Variants in KLF12 observed in about 807,000 individuals in gnomAD.
KLF12 encodes the protein KLF transcription factor 12.
In KLF12, 9 loss-of-function variants were observed where a neutral mutation model predicts 37.8. That is an observed-to-expected ratio of 0.24 (90% CI 0.14 to 0.42). The LOEUF is 0.42. KLF12 is among the 10% of genes least tolerant of loss of function. The pLI is 1.00. For synonymous variants in KLF12, 208 were observed against 202.1 expected, an observed-to-expected ratio of 1.03 and a Z score of -0.25; for missense variants, 411 against 516.0, an observed-to-expected ratio of 0.80 and a Z score of 1.97.
the KLF12 span, among the ~76,000 whole-genome samples, chr13:74,229,468 T>G: frequency 6.6e-6 from 1 of 152,162 alleles, no homozygotes; most frequent in South Asian, 2.1e-4. Flanking sequence ...GCTCAGCTGC[T>G]TGTAAAAAGT....
At chr13:73,727,558 T>C (rs1594014537) in intron 6 of KLF12, among the ~76,000 whole-genome samples, 2 of 152,230 alleles carry the variant, frequency 1.3e-5, no homozygotes, top group South Asian at 2.1e-4. Flanking sequence ...GATTTGTCTA[T>C]GTATAATTAT....
the KLF12 span, among the ~76,000 whole-genome samples, chr13:74,256,129 T>A: frequency 6.9e-6 from 1 of 144,714 alleles, no homozygotes. Context: ...CACTCCAGCC[T>A]GGGTGACAGA....
At chr13:73,990,836 G>C (rs374179082) in intron 2 of KLF12, among the ~76,000 whole-genome samples, 51 of 151,990 alleles carry the variant, frequency 3.4e-4, no homozygotes, top group African/African-American at 1.1e-3. Flanking sequence ...CTTTGTAAGA[G>C]ATGCAAGGTA....
chr13:73,838,050 A>C (rs1243586235), intron 4 of KLF12, among the ~76,000 whole-genome samples: 2 of 152,176 alleles, frequency 1.3e-5, no homozygotes, highest in East Asian at 3.9e-4. Context: ...AGACACCAAC[A>C]AGTGAGAACG....
At chr13:73,970,911 A>T (rs1891316463) in intron 2 of KLF12, among the ~76,000 whole-genome samples, 1 of 152,210 alleles carries the variant, frequency 6.6e-6, no homozygotes, top group Non-Finnish European at 1.5e-5. Flanking sequence ...TCAAAGCAGC[A>T]GAAGGGTGGG....
chr13:74,245,942 G>A, the KLF12 span, among the ~76,000 whole-genome samples: 2 of 152,200 alleles, frequency 1.3e-5, no homozygotes, highest in African/African-American at 4.8e-5. Flanking sequence ...GCAAAGCTGA[G>A]TTTCAGTAAC....
chr13:73,899,427 C>T (rs1031049700), intron 3 of KLF12, among the ~76,000 whole-genome samples: 1 of 152,172 alleles, frequency 6.6e-6, no homozygotes, highest in Non-Finnish European at 1.5e-5. Context: ...AAACAGAAAG[C>T]TGAATCTGAA....
At position 73,996,989 on chromosome 13, in the gene KLF12, G is replaced by C. The variant is rs144469415; in HGVS notation, c.-31-1936C>G. Among the ~76,000 whole-genome samples the C allele has an allele frequency of 1.2e-3, 189 of 152,248 alleles. 1 individual carries two copies. The highest frequency in any genetic ancestry group is 4.2e-3 in the African/African-American group (176 of 41,556). On this transcript the variant is annotated intron_variant, in intron 1 of 7. Transcript: ENST00000377669. ...CCCTGTCTTAGTCCCAAATCTTATG[G>C]CATGGCTCTTCGTGGTTTGTCATAC...
intron 4 of KLF12, among the ~76,000 whole-genome samples, chr13:73,841,176 G>T (rs1222676145): frequency 6.6e-6 from 1 of 152,066 alleles, no homozygotes; most frequent in Non-Finnish European, 1.5e-5. Context: ...AAATGTGGTT[G>T]GTATAAGGTA....
At chr13:74,302,938 AAC>A in the KLF12 span, among the ~76,000 whole-genome samples, 2 of 152,148 alleles carry the variant, frequency 1.3e-5, no homozygotes, top group African/African-American at 4.8e-5. Context: ...TGCCTGAATT[AAC>A]AGTCTTCCTC....
At chr13:74,066,755 A>T (rs1873939719) in intron 1 of KLF12, among the ~76,000 whole-genome samples, 1 of 152,232 alleles carries the variant, frequency 6.6e-6, no homozygotes, top group African/African-American at 2.4e-5. Context: ...ACATTTAAAT[A>T]TCAAAGATAG....
At chr13:73,762,366 G>A (rs1359972614) in intron 6 of KLF12, among the ~76,000 whole-genome samples, 3 of 152,196 alleles carry the variant, frequency 2.0e-5, no homozygotes, top group African/African-American at 4.8e-5. Flanking sequence ...AAAGAAAAAT[G>A]CTAGTTAAAA....
At chr13:73,992,630 T>A (rs918808483) in intron 2 of KLF12, among the ~76,000 whole-genome samples, 8 of 152,138 alleles carry the variant, frequency 5.3e-5, no homozygotes, top group Admixed American at 5.2e-4. Context: ...CTTGGCAGGA[T>A]TTTGTCACCA....
chr13:73,724,646 C>A (rs1437312062), intron 6 of KLF12, among the ~76,000 whole-genome samples: 2 of 152,126 alleles, frequency 1.3e-5, no homozygotes, highest in African/African-American at 2.4e-5. Context: ...TTTCCTTACT[C>A]TTTGAATACT....
At chr13:74,103,391 G>A (rs965462923) in intron 1 of KLF12, among the ~76,000 whole-genome samples, 1 of 152,168 alleles carries the variant, frequency 6.6e-6, no homozygotes, top group African/African-American at 2.4e-5. Flanking sequence ...GTTCAAAGAT[G>A]TTAGTCCAGC....
At chr13:73,909,722 G>C (rs760363630) in intron 3 of KLF12, among the ~76,000 whole-genome samples, 2 of 152,054 alleles carry the variant, frequency 1.3e-5, no homozygotes, top group Non-Finnish European at 2.9e-5. Context: ...ACAAACTTAC[G>C]TTTGTTTAAA....
At chr13:73,820,872 GCTT>G (rs1883489497) in intron 4 of KLF12, among the ~76,000 whole-genome samples, 1 of 152,126 alleles carries the variant, frequency 6.6e-6, no homozygotes. Context: ...TTCATTTCTG[GCTT>G]CTTCTTAAAA....
At chr13:73,904,766 G>A (rs1888197661) in intron 3 of KLF12, among the ~76,000 whole-genome samples, 2 of 152,024 alleles carry the variant, frequency 1.3e-5, no homozygotes, top group Non-Finnish European at 2.9e-5. Flanking sequence ...GAAAGTGATG[G>A]AGGCAGACTT....
At chr13:73,928,245 G>A (rs935670747) in intron 3 of KLF12, among the ~76,000 whole-genome samples, 26 of 152,212 alleles carry the variant, frequency 1.7e-4, no homozygotes, top group African/African-American at 6.0e-4. Flanking sequence ...ACAGGCACTT[G>A]AAATATGCAG....
Sources: gnomAD v4.1 joint callset for allele counts (sites outside exome capture counted in the v4.1 genomes callset) on GRCh38, gnomAD v4.1.1 for gene constraint, MANE v1.5 for transcripts, NCBI Gene and HGNC (gene_info 2026-07-23, HGNC 2026-07-21) for gene names.